The following CACNA2D4 variants were observed in gnomAD, a reference collection of about 807,000 sequenced individuals.
CACNA2D4 encodes the protein voltage-dependent calcium channel subunit alpha-2/delta-4.
In CACNA2D4, 157 loss-of-function variants were observed where a neutral mutation model predicts 163.8. That is an observed-to-expected ratio of 0.96 (90% CI 0.84 to 1.09). CACNA2D4 has a LOEUF of 1.09. Among genes scored for constraint, CACNA2D4 ranks in the 50% least tolerant of loss-of-function variants. The probability of loss-of-function intolerance (pLI) is 0.00; values close to 1 mark genes in which losing one functional copy is unlikely to be tolerated. For synonymous variants in CACNA2D4, 598 were observed against 586.9 expected (o/e 1.02, Z -0.27); for missense variants, 1,410 against 1,479.9 (o/e 0.95, Z 0.78).
At chr12:1,915,064 C>T in intron 1 of CACNA2D4, 129 bp from the exon 2 acceptor site, 1 of 735,834 alleles carries the variant, frequency 1.4e-6, no homozygotes, top group Admixed American at 2.0e-5. Context: ...CTGATGCATG[C>T]ATACTCCAAC....
At chr12:1,907,653 G>A in intron 5 of CACNA2D4, 82 bp from the exon 6 acceptor site, 1 of 916,042 alleles carries the variant, frequency 1.1e-6, no homozygotes, top group Non-Finnish European at 1.4e-6. Flanking sequence ...TGCCTGGTGG[G>A]CGTGTCTGGT....
Position 1,909,968 on chromosome 12 carries a change from G to A in CACNA2D4, c.427-3C>T. ...TCCTCGGCAGCTTCCACCAGATTCTGAGGGATGGGAACACAGAGGTAGGGA... is the reference window on the plus strand; with the variant it reads ...TCCTCGGCAGCTTCCACCAGATTCTAAGGGATGGGAACACAGAGGTAGGGA... On this transcript the variant is annotated splice_region_variant and splice_polypyrimidine_tract_variant and intron_variant, in intron 3 of 37. Coordinates refer to ENST00000382722, the MANE Select transcript of CACNA2D4 (RefSeq NM_172364.5). 6.2e-7 allele frequency: 1 copy of A among 1,613,476 alleles called. No individual in the cohort carries two copies. The highest frequency in any genetic ancestry group is 1.1e-5 in the South Asian group (1 of 91,016).
intron 19 of CACNA2D4, 60 bp downstream of exon 19, chr12:1,860,085 T>C: frequency 2.9e-6 from 4 of 1,388,932 alleles, no homozygotes; most frequent in Non-Finnish European, 4.1e-6. Context: ...CAACTAAATA[T>C]GAGTTGCTGG....
rs1864028680 is a variant in CACNA2D4 at position 1,820,060 on chromosome 12, G to C, written c.2552-8337C>G. Among the ~76,000 whole-genome samples the C allele has an allele frequency of 6.6e-6, 1 of 152,184 alleles. No homozygotes were observed. The highest frequency in any genetic ancestry group is 2.4e-5 in the African/African-American group (1 of 41,436). On this transcript the variant is annotated intron_variant, in intron 26 of 37. Coordinates refer to ENST00000382722, the MANE Select transcript of CACNA2D4 (RefSeq NM_172364.5). The surrounding 1 kb of genome is among the most constrained non-coding windows in gnomAD (Gnocchi z 6.0). The stretch of plus-strand genomic sequence containing the variant: ...TTTCGTATGACCGAGAGAAGGGTTC[G>C]GTTTTTCCTTCTCTCAGGCAGGATG...
At chr12:1,897,691 A>G (rs185244139) in intron 6 of CACNA2D4, among the ~76,000 whole-genome samples, 1 of 152,348 alleles carries the variant, frequency 6.6e-6, no homozygotes, top group African/African-American at 2.4e-5. Context: ...ATAAAGGGAT[A>G]GAGGAAAAAG....
At chr12:1,865,135 A>AG (rs1339341709) in intron 18 of CACNA2D4, among the ~76,000 whole-genome samples, 2 of 151,976 alleles carry the variant, frequency 1.3e-5, no homozygotes, top group African/African-American at 2.4e-5. Context: ...CTGGCCACGG[A>AG]GGGGAGAAGG....
intron 4 of CACNA2D4, among the ~76,000 whole-genome samples, chr12:1,909,178 GTTTA>G (rs1341077367): frequency 3.6e-5 from 5 of 137,846 alleles, no homozygotes; most frequent in Admixed American, 2.1e-4. Context: ...CCTGGTGTTT[GTTTA>G]TTTATTTGTT....
intron 6 of CACNA2D4, among the ~76,000 whole-genome samples, chr12:1,901,115 G>A (rs894834043): frequency 6.6e-6 from 1 of 152,080 alleles, no homozygotes; most frequent in Non-Finnish European, 1.5e-5. Context: ...AGTCAATGAA[G>A]AGATTAAGAA....
chr12:1,810,440 G>A, intron 28 of CACNA2D4, 100 bp from the exon 29 acceptor site: 2 of 1,521,814 alleles, frequency 1.3e-6, no homozygotes, highest in African/African-American at 2.7e-5. Flanking sequence ...GAGCTTCACT[G>A]CAGGGAAGGA....
rs1348245392 is a variant in CACNA2D4 at position 1,806,908 on chromosome 12, T to C, written c.2721+3370A>G. Among the ~76,000 whole-genome samples the C allele has an allele frequency of 2.0e-5, 3 of 152,032 alleles. No homozygotes were observed. The highest frequency in any genetic ancestry group is 7.2e-5 in the African/African-American group (3 of 41,402). On this transcript the variant is annotated intron_variant, in intron 29 of 37. Transcript: ENST00000382722. The surrounding 1 kb of genome is among the most constrained non-coding windows in gnomAD (Gnocchi z 4.1). ...ATGAGTTAGGGGAGGCCAGGCCCTG[T>C]GGCCCTCGATGGCACTTGTGTGTTT...
intron 26 of CACNA2D4, among the ~76,000 whole-genome samples, chr12:1,818,186 A>G (rs1408364156): frequency 8.3e-4 from 102 of 122,196 alleles, no homozygotes; most frequent in South Asian, 1.9e-3. Flanking sequence ...GCCCCGTCTG[A>G]GAAGTGAGGA....
chr12:1,889,782 A>T (rs1405592983), intron 6 of CACNA2D4, among the ~76,000 whole-genome samples: 1 of 152,180 alleles, frequency 6.6e-6, no homozygotes, highest in Non-Finnish European at 1.5e-5. Context: ...TTAAAAAGGA[A>T]AAAAGGAGAA....
intron 6 of CACNA2D4, among the ~76,000 whole-genome samples, chr12:1,896,669 C>G (rs1488116208): frequency 6.8e-6 from 1 of 147,602 alleles, no homozygotes; most frequent in East Asian, 2.0e-4. Context: ...CAGATGCTAG[C>G]AAGGATGCAG....
rs750406282 is a variant in CACNA2D4, at chr12:1,918,294, G to A, written c.180C>T (p.Gly60=). 1.2e-5 allele frequency: 20 copies of A among 1,610,416 alleles called. No homozygotes were observed. The African/African-American group carries it at 1.7e-4, about 14-fold the overall frequency. ...GTCCCCACGCAGGGGACAGGGAGGT[G>A]CCTAGAAGCAGCAGCCACAGGAGGG... ...TSALLWLLLL[G]TSLSPAWGQA... The change falls in exon 1 of 38, where the codon GGC becomes GGT. Residue 60 remains glycine, a synonymous_variant. Coordinates refer to ENST00000382722, the MANE Select transcript of CACNA2D4 (RefSeq NM_172364.5).
At chr12:1,797,594 G>C in intron 34 of CACNA2D4, 59 bp from the exon 35 acceptor site, 1 of 1,275,274 alleles carries the variant, frequency 7.8e-7, no homozygotes, top group Non-Finnish European at 1.1e-6. Flanking sequence ...CGGTGACCTC[G>C]CCTCGGCACT....
chr12:1,853,946 C>T lies in CACNA2D4; in HGVS notation c.2246+5G>A, dbSNP rs1197092695. The T allele has an allele frequency of 3.1e-6, 5 of 1,611,070 alleles. No individual in the cohort carries two copies. Among genetic ancestry groups the T allele is most frequent in the Non-Finnish European group, 4.2e-6 (5 of 1,178,172 alleles). On this transcript the variant is annotated splice_donor_5th_base_variant and intron_variant, in intron 23 of 37. Coordinates refer to ENST00000382722, the MANE Select transcript of CACNA2D4 (RefSeq NM_172364.5). ...GGGCCTGGGAACCTGGGAACCTGGACCTACTCGGACATGTTGAGGGCCAGC... is the reference window on the plus strand; with the variant it reads ...GGGCCTGGGAACCTGGGAACCTGGATCTACTCGGACATGTTGAGGGCCAGC...
In CACNA2D4 at chr12:1,828,054, T is replaced by C; in HGVS notation, c.2551+12685A>G. The C allele has an allele frequency of 8.1e-7, 1 of 1,240,018 alleles. No individual in the cohort carries two copies. The highest frequency in any genetic ancestry group is 1.1e-6 in the Non-Finnish European group (1 of 931,772). The allele number at this position is 1,240,018 out of a possible 1,614,324, so 76.8% of individuals were successfully genotyped here. A position where few individuals can be genotyped will look rare whatever the true frequency, so the allele number is the denominator to read the frequency against. ...ACGGGGCTCCCGCGCCTGCCTGTGCTCAGTGCTCCTCCCTCCCTCAGGACT... is the reference window on the plus strand; with the variant it reads ...ACGGGGCTCCCGCGCCTGCCTGTGCCCAGTGCTCCTCCCTCCCTCAGGACT... On this transcript the variant is annotated intron_variant, in intron 26 of 37. Coordinates refer to ENST00000382722, the MANE Select transcript of CACNA2D4 (RefSeq NM_172364.5). This position sits in a 1 kb window ranked among gnomAD's most constrained non-coding sequence, Gnocchi z 4.2.
At chr12:1,814,480 AG>A (rs1185838408) in intron 26 of CACNA2D4, among the ~76,000 whole-genome samples, 1 of 152,206 alleles carries the variant, frequency 6.6e-6, no homozygotes, top group East Asian at 1.9e-4. Context: ...TCCTCTTGTA[AG>A]ACAAAAAAGT....
At chr12:1,830,749 A>G (rs35791125) in intron 26 of CACNA2D4, among the ~76,000 whole-genome samples, 28,256 of 152,192 alleles carry the variant, frequency 0.19, 2,918 homozygotes, top group African/African-American at 0.22. Flanking sequence ...GTCCATTAAT[A>G]TGGAAGTGGC....
Sources: gnomAD v4.1 joint callset for allele counts (sites outside exome capture counted in the v4.1 genomes callset) on GRCh38, gnomAD v4.1.1 for gene constraint, Gnocchi (gnomAD v3.1) non-coding constraint, MANE v1.5 for transcripts, NCBI Gene and HGNC (gene_info 2026-07-23, HGNC 2026-07-21) for gene names.